PDE7B: variants seen among roughly 807,000 people sequenced by gnomAD.
PDE7B encodes phosphodiesterase 7B.
In PDE7B, 29 loss-of-function variants were observed where a neutral mutation model predicts 56.2. The observed-to-expected ratio is 0.52, with a 90% CI of 0.38 to 0.70. The LOEUF (loss-of-function observed/expected upper bound fraction) is 0.70. Ranked by LOEUF, PDE7B falls within the 30% of genes least tolerant of loss-of-function variation. The pLI is 0.00. For synonymous variants in PDE7B, 197 were observed against 196.9 expected (o/e 1.00, Z 0.00); for missense variants, 490 against 565.0 (o/e 0.87, Z 1.35).
At chr6:136,063,525 C>T (rs1303581747) in intron 2 of PDE7B, among the ~76,000 whole-genome samples, 2 of 152,214 alleles carry the variant, frequency 1.3e-5, no homozygotes, top group Non-Finnish European at 2.9e-5. Flanking sequence ...GTGTTCCCTG[C>T]TTTCAGCATG....
chr6:135,897,377 C>T (rs1330892794), intron 1 of PDE7B, among the ~76,000 whole-genome samples: 1 of 152,026 alleles, frequency 6.6e-6, no homozygotes, highest in Non-Finnish European at 1.5e-5. Context: ...GGGTCAATGT[C>T]TTCTACTTTC....
chr6:136,133,121 C>T (rs1203938833), intron 3 of PDE7B, among the ~76,000 whole-genome samples: 1 of 152,062 alleles, frequency 6.6e-6, no homozygotes, highest in Non-Finnish European at 1.5e-5. Context: ...AAGGAATTAG[C>T]TTCCAGTGCT....
At chr6:136,020,739 C>T (rs1254575400) in intron 2 of PDE7B, among the ~76,000 whole-genome samples, 2 of 151,730 alleles carry the variant, frequency 1.3e-5, no homozygotes, top group Non-Finnish European at 2.9e-5. Context: ...AGGGACTCAC[C>T]GAAAATTATT....
chr6:135,967,853 G>T (rs892956753), intron 2 of PDE7B, among the ~76,000 whole-genome samples: 15 of 152,162 alleles, frequency 9.9e-5, no homozygotes, highest in Admixed American at 9.8e-4. Context: ...AGGGGCCAGC[G>T]CCACTTGGGC....
intron 2 of PDE7B, chr6:136,070,390 T>C (rs1777027606): frequency 6.6e-6 from 1 of 152,140 alleles, no homozygotes. Flanking sequence ...AGTTAGAATA[T>C]TTATTAATCT....
intron 2 of PDE7B, among the ~76,000 whole-genome samples, chr6:136,027,250 T>C (rs945965114): frequency 1.3e-5 from 2 of 152,230 alleles, no homozygotes; most frequent in Admixed American, 6.5e-5. Context: ...TGTGATCTAA[T>C]GGAAATAGTC....
At chr6:135,931,479 A>G (rs1018635145) in intron 1 of PDE7B, among the ~76,000 whole-genome samples, 3 of 152,214 alleles carry the variant, frequency 2.0e-5, no homozygotes, top group Non-Finnish European at 4.4e-5. Flanking sequence ...TGTTGGCATC[A>G]GTTAAAGTGA....
At chr6:136,128,401 T>C (rs1778056494) in intron 3 of PDE7B, among the ~76,000 whole-genome samples, 1 of 152,182 alleles carries the variant, frequency 6.6e-6, no homozygotes, top group Non-Finnish European at 1.5e-5. Context: ...TATCAGTTAA[T>C]GAGAAGCATG....
At chr6:136,180,394 G>C (rs1388918663) in intron 10 of PDE7B, among the ~76,000 whole-genome samples, 2 of 152,172 alleles carry the variant, frequency 1.3e-5, no homozygotes, top group African/African-American at 2.4e-5. Context: ...GCAGAGGCTG[G>C]AGGAGGCTTC....
intron 2 of PDE7B, among the ~76,000 whole-genome samples, chr6:136,027,660 C>T (rs1349592413): frequency 1.3e-5 from 2 of 152,054 alleles, no homozygotes; most frequent in African/African-American, 2.4e-5. Flanking sequence ...CTTGCTCTGT[C>T]GCCCAGGCTG....
intron 2 of PDE7B, among the ~76,000 whole-genome samples, chr6:136,004,375 A>T (rs1286290513): frequency 2.0e-5 from 3 of 152,136 alleles, no homozygotes; most frequent in African/African-American, 4.8e-5. Flanking sequence ...GGAGAAGGAA[A>T]TAAAGGGTAT....
At chr6:135,962,079 G>C (rs1583797737) in intron 2 of PDE7B, among the ~76,000 whole-genome samples, 1 of 152,214 alleles carries the variant, frequency 6.6e-6, no homozygotes, top group East Asian at 1.9e-4. Context: ...GAAAGTTTGT[G>C]ATGTGTGGTA....
intron 3 of PDE7B, among the ~76,000 whole-genome samples, chr6:136,135,982 C>G (rs1199683767): frequency 6.6e-6 from 1 of 151,980 alleles, no homozygotes; most frequent in Non-Finnish European, 1.5e-5. Context: ...TTAAAGTAGT[C>G]TATATAAAAA....
chr6:135,882,301 G>T (rs1052748059), intron 1 of PDE7B, among the ~76,000 whole-genome samples: 1 of 152,078 alleles, frequency 6.6e-6, no homozygotes, highest in African/African-American at 2.4e-5. Flanking sequence ...TACTGACAGC[G>T]CTAAAATATA....
At chr6:136,157,416 A>G (rs1408018019) in intron 8 of PDE7B, among the ~76,000 whole-genome samples, 1 of 152,156 alleles carries the variant, frequency 6.6e-6, no homozygotes. Flanking sequence ...CGTCTCTACT[A>G]AAAATACAAA....
intron 3 of PDE7B, among the ~76,000 whole-genome samples, chr6:136,134,048 TG>T (rs1778167052): frequency 6.6e-6 from 1 of 152,054 alleles, no homozygotes; most frequent in Admixed American, 6.6e-5. Flanking sequence ...GGAGACATTG[TG>T]GGGGCCATTG....
intron 2 of PDE7B, among the ~76,000 whole-genome samples, chr6:136,090,113 A>T (rs1323699010): frequency 6.6e-6 from 1 of 152,128 alleles, no homozygotes; most frequent in African/African-American, 2.4e-5. Context: ...TTAGCCTTGA[A>T]TGACTCACAA....
chr6:135,912,850 G>A (rs1038575731), intron 1 of PDE7B, among the ~76,000 whole-genome samples: 2 of 152,210 alleles, frequency 1.3e-5, no homozygotes, highest in African/African-American at 4.8e-5. Context: ...GATAAAGAAT[G>A]AGGCCCAAAT....
intron 1 of PDE7B, among the ~76,000 whole-genome samples, chr6:135,852,782 A>G (rs1562410039): frequency 1.3e-5 from 2 of 152,240 alleles, no homozygotes; most frequent in Admixed American, 6.5e-5. Flanking sequence ...GGAGTCAGAT[A>G]TTCAATTAGG....
Sources: allele counts gnomAD v4.1 joint callset (sites outside exome capture counted in the v4.1 genomes callset), GRCh38; gene constraint gnomAD v4.1.1; transcripts MANE v1.5; gene names NCBI Gene and HGNC (gene_info 2026-07-23, HGNC 2026-07-21).